The following CCBE1 variants were observed in gnomAD, a reference collection of about 807,000 sequenced individuals.
CCBE1 encodes the protein collagen and calcium-binding EGF domain-containing protein 1.
CCBE1 carries 37 observed loss-of-function variants against 50.0 expected under a neutral mutation model. That is an observed-to-expected ratio of 0.74 (90% CI 0.57 to 0.97). The LOEUF is 0.97. CCBE1 is among the 50% of genes least tolerant of loss of function. The pLI, the probability that CCBE1 is intolerant of heterozygous loss-of-function variation, is 0.00. For missense variants in CCBE1, 538 were observed against 523.8 expected (o/e 1.03, Z -0.26); for synonymous variants, 234 against 203.7 (o/e 1.15, Z -1.27).
rs150857141 is a variant in CCBE1 at position 59,582,317 on chromosome 18, A to T, written c.213-102079T>A. On this transcript the variant is annotated intron_variant, in intron 2 of 10. Coordinates refer to ENST00000439986, the MANE Select transcript of CCBE1 (RefSeq NM_133459.4). ...GAAAACTGCATGGTGACCTGAAACC[A>T]TGCCACTTCCACTGATTTCTTCTAG... Among the ~76,000 whole-genome samples the T allele has an allele frequency of 4.5e-3, 692 of 152,314 alleles. 4 individuals carry two copies. Among genetic ancestry groups the T allele is most frequent in the Non-Finnish European group, 7.7e-3 (527 of 68,024 alleles).
At chr18:59,594,910 A>G (rs2187493) in intron 2 of CCBE1, among the ~76,000 whole-genome samples, 85,940 of 151,728 alleles carry the variant, frequency 0.57, 25,892 homozygotes, top group East Asian at 0.77. Flanking sequence ...TCAAGAGAAC[A>G]AGATCAGCCT....
At chr18:59,579,186 C>G (rs1001627482) in intron 2 of CCBE1, among the ~76,000 whole-genome samples, 1 of 152,076 alleles carries the variant, frequency 6.6e-6, no homozygotes, top group Non-Finnish European at 1.5e-5. Flanking sequence ...TTGACAACTA[C>G]TGTAATTGTG....
chr18:59,497,616 G>T (rs985291743), intron 2 of CCBE1, among the ~76,000 whole-genome samples: 1 of 152,128 alleles, frequency 6.6e-6, no homozygotes, highest in African/African-American at 2.4e-5. Context: ...TAGGGACACC[G>T]CACTATTCAA....
At chr18:59,658,321 TAAAAAAAAAAAAAAAAA>T (rs1157998930) in intron 2 of CCBE1, among the ~76,000 whole-genome samples, 22 of 6,418 alleles carry the variant, frequency 3.4e-3, no homozygotes, top group South Asian at 9.8e-3. Flanking sequence ...ACCCTGTCTC[TAAAAAAAAAAAAAAAAA>T]AAAAAAAAAA....
chr18:59,664,083 C>T (rs1292956885), intron 2 of CCBE1, among the ~76,000 whole-genome samples: 1 of 152,088 alleles, frequency 6.6e-6, no homozygotes, highest in Non-Finnish European at 1.5e-5. Context: ...ATTAGGATGC[C>T]AGCATGATTG....
chr18:59,519,834 GA>G (rs1334287117), intron 2 of CCBE1, among the ~76,000 whole-genome samples: 3 of 152,132 alleles, frequency 2.0e-5, no homozygotes, highest in Admixed American at 6.5e-5. Flanking sequence ...AGTCCATCTT[GA>G]ATTAATTTTT....
At chr18:59,631,094 C>T (rs2144626087) in intron 2 of CCBE1, among the ~76,000 whole-genome samples, 1 of 152,146 alleles carries the variant, frequency 6.6e-6, no homozygotes, top group African/African-American at 2.4e-5. Flanking sequence ...CAGGTGGTCC[C>T]ATGACCTAGA....
intron 2 of CCBE1, among the ~76,000 whole-genome samples, chr18:59,606,176 G>A (rs184274378): frequency 6.6e-6 from 1 of 152,256 alleles, no homozygotes; most frequent in East Asian, 1.9e-4. Context: ...TCGGACAAAG[G>A]CAGAGATCAC....
chr18:59,592,913 T>TA (rs955768751), intron 2 of CCBE1, among the ~76,000 whole-genome samples: 123 of 148,872 alleles, frequency 8.3e-4, no homozygotes, highest in Admixed American at 1.6e-3. Flanking sequence ...GGTTTAAAAA[T>TA]AAAAAAAAAG....
At chr18:59,454,807 C>T (rs1911104314) in intron 6 of CCBE1, 44 bp downstream of exon 6, 4 of 1,525,062 alleles carry the variant, frequency 2.6e-6, no homozygotes, top group Admixed American at 1.7e-5. Context: ...TGGCCAAGCC[C>T]TCCTTCCATC....
At chr18:59,668,819 C>CTTTTTTTTTT (rs34632549) in intron 2 of CCBE1, among the ~76,000 whole-genome samples, 28 of 99,168 alleles carry the variant, frequency 2.8e-4, no homozygotes, top group African/African-American at 6.2e-4. Context: ...TTCCATAAGT[C>CTTTTTTTTTT]TTTTTTTTTT....
At chr18:59,660,727 AT>A (rs202130001) in intron 2 of CCBE1, among the ~76,000 whole-genome samples, 13 of 55,568 alleles carry the variant, frequency 2.3e-4, no homozygotes, top group Admixed American at 9.0e-4. Flanking sequence ...CCCAACACGT[AT>A]TTTTTTTAAA....
At chr18:59,600,960 G>T (rs895797490) in intron 2 of CCBE1, among the ~76,000 whole-genome samples, 18 of 149,652 alleles carry the variant, frequency 1.2e-4, no homozygotes, top group African/African-American at 4.4e-4. Context: ...AGGGAAGAAG[G>T]GGCCCATTCT....
At chr18:59,480,291 C>T (rs1912512655) in intron 2 of CCBE1, 53 bp from the exon 3 acceptor site, 2 of 1,334,172 alleles carry the variant, frequency 1.5e-6, no homozygotes, top group Admixed American at 3.4e-5. Context: ...AAATAAAATT[C>T]TTTCCAGTTA....
At chr18:59,681,282 A>G (rs776740759) in intron 2 of CCBE1, among the ~76,000 whole-genome samples, 2 of 152,238 alleles carry the variant, frequency 1.3e-5, no homozygotes, top group African/African-American at 2.4e-5. Flanking sequence ...TCTTTGGTCC[A>G]TAAAATAAGT....
intron 5 of CCBE1, among the ~76,000 whole-genome samples, chr18:59,461,771 T>C (rs886807551): frequency 1.4e-5 from 2 of 143,360 alleles, no homozygotes; most frequent in Non-Finnish European, 3.0e-5. Context: ...TTCGCCCTTG[T>C]TGCCCAAGCC....
intron 2 of CCBE1, among the ~76,000 whole-genome samples, chr18:59,677,573 A>G (rs2054522481): frequency 6.6e-6 from 1 of 152,206 alleles, no homozygotes. Flanking sequence ...ATCAGGAAAG[A>G]GGAAAAATGT....
At chr18:59,668,296 T>G (rs1348539167) in intron 2 of CCBE1, among the ~76,000 whole-genome samples, 1 of 152,080 alleles carries the variant, frequency 6.6e-6, no homozygotes, top group Non-Finnish European at 1.5e-5. Flanking sequence ...TGGGTGCCTG[T>G]GATCCCAGCT....
intron 2 of CCBE1, among the ~76,000 whole-genome samples, chr18:59,609,311 T>C (rs2053541672): frequency 6.6e-6 from 1 of 152,240 alleles, no homozygotes; most frequent in South Asian, 2.1e-4. Flanking sequence ...CCCAGACTCA[T>C]ATGCAGTGGC....
Sources: gnomAD v4.1 joint callset for allele counts (sites outside exome capture counted in the v4.1 genomes callset) on GRCh38, gnomAD v4.1.1 for gene constraint, MANE v1.5 for transcripts, NCBI Gene and HGNC (gene_info 2026-07-23, HGNC 2026-07-21) for gene names.